Variants in TOM1L1 observed in about 807,000 individuals in gnomAD.
The protein encoded by TOM1L1 is TOM1-like protein 1.
A neutral mutation model predicts 63.4 loss-of-function variants in TOM1L1; 64 were observed. The observed-to-expected ratio is 1.01, with a 90% CI of 0.83 to 1.24. The LOEUF is 1.24. Among genes scored for constraint, TOM1L1 ranks in the 50% most tolerant of loss-of-function variants. The pLI is 0.00. For missense variants in TOM1L1, 536 were observed against 567.0 expected, an observed-to-expected ratio of 0.95 and a Z score of 0.55; for synonymous variants, 166 against 194.4, an observed-to-expected ratio of 0.85 and a Z score of 1.22.
intron 7 of TOM1L1, among the ~76,000 whole-genome samples, chr17:54,922,745 C>T (rs538986614): frequency 6.6e-6 from 1 of 152,166 alleles, no homozygotes; most frequent in Non-Finnish European, 1.5e-5. Flanking sequence ...AGAAATTGAT[C>T]TTTCTGTCTT....
At chr17:54,929,318 C>T (rs759067176) in intron 7 of TOM1L1, among the ~76,000 whole-genome samples, 16 of 151,560 alleles carry the variant, frequency 1.1e-4, no homozygotes, top group Non-Finnish European at 2.4e-4. Flanking sequence ...TTTCAGACAC[C>T]CAGCCTGAAG....
chr17:54,960,284 G>T (rs1443630207), intron 14 of TOM1L1, among the ~76,000 whole-genome samples: 1 of 152,176 alleles, frequency 6.6e-6, no homozygotes, highest in African/African-American at 2.4e-5. Flanking sequence ...AGAATCACTT[G>T]AACCTGGGAG....
At chr17:54,905,266 T>C (rs1306928481) in intron 2 of TOM1L1, among the ~76,000 whole-genome samples, 1 of 152,248 alleles carries the variant, frequency 6.6e-6, no homozygotes, top group Admixed American at 6.5e-5. Context: ...GAAAATATTT[T>C]ATTTGATTCT....
At chr17:54,953,944 T>C (rs1194433605) in intron 14 of TOM1L1, 5 of 152,194 alleles carry the variant, frequency 3.3e-5, no homozygotes, top group Non-Finnish European at 5.9e-5. Flanking sequence ...TTAGGAATGC[T>C]GATGGATTTT....
At chr17:54,928,507 G>T (rs559365881) in intron 7 of TOM1L1, among the ~76,000 whole-genome samples, 1 of 152,156 alleles carries the variant, frequency 6.6e-6, no homozygotes, top group East Asian at 1.9e-4. Flanking sequence ...TACACCAGGG[G>T]TATATAAAGG....
At chr17:54,939,152 T>A (rs933252843) in intron 11 of TOM1L1, 132 bp downstream of exon 11, 14 of 528,316 alleles carry the variant, frequency 2.6e-5, no homozygotes, top group Admixed American at 1.1e-4. Flanking sequence ...GGCACATGGA[T>A]CACTTGAGCC....
chr17:54,949,715 A>T, intron 13 of TOM1L1, 92 bp downstream of exon 13: 1 of 1,049,182 alleles, frequency 9.5e-7, no homozygotes, highest in Non-Finnish European at 1.5e-6. Flanking sequence ...AAATAGGAGA[A>T]ATTAGAGATG....
At chr17:54,910,142 T>G (rs1047741809) in intron 3 of TOM1L1, among the ~76,000 whole-genome samples, 2 of 152,194 alleles carry the variant, frequency 1.3e-5, no homozygotes, top group Non-Finnish European at 2.9e-5. Flanking sequence ...CATAAAATCT[T>G]GTGGCACCAA....
At chr17:54,921,096 G>A (rs1212640927) in intron 7 of TOM1L1, among the ~76,000 whole-genome samples, 1 of 152,078 alleles carries the variant, frequency 6.6e-6, no homozygotes, top group Non-Finnish European at 1.5e-5. Flanking sequence ...TTTGCACCCC[G>A]GGCTTTGTCC....
rs1339521564 is a variant in TOM1L1, at chr17:54,900,888, G to A, written c.23G>A (p.Arg8Gln). 2 of 1,613,726 alleles carry A rather than the reference G, an allele frequency of 1.2e-6. No homozygotes were observed. Among genetic ancestry groups the A allele is most frequent in the South Asian group, 2.2e-5 (2 of 91,068 alleles). ...ACCATGGCGTTTGGCAAGAGTCACC[G>A]GGATCCCTACGCGACCTCCGTGGGC... is the stretch of plus-strand genomic sequence containing the variant. MAFGKSHRDPYATSVGHL... is the reference protein window; with the variant it reads MAFGKSHQDPYATSVGHL... The change falls in exon 1 of 16, where the codon CGG (arginine) becomes CAG (glutamine). Residue 8 changes from arginine to glutamine, a missense_variant. Coordinates refer to ENST00000575882, the MANE Select transcript of TOM1L1 (RefSeq NM_005486.3).
At chr17:54,931,919 GCTTT>G (rs766097373) in intron 8 of TOM1L1, among the ~76,000 whole-genome samples, 26 of 150,836 alleles carry the variant, frequency 1.7e-4, no homozygotes, top group East Asian at 9.8e-4. Context: ...AACCATGCTT[GCTTT>G]CTTTCTTTCT....
intron 3 of TOM1L1, among the ~76,000 whole-genome samples, chr17:54,910,410 T>G (rs1022885412): frequency 6.6e-6 from 1 of 152,166 alleles, no homozygotes; most frequent in African/African-American, 2.4e-5. Flanking sequence ...GAGTCGAGAT[T>G]GCGCCACTGC....
intron 7 of TOM1L1, among the ~76,000 whole-genome samples, chr17:54,929,856 A>G (rs906481674): frequency 6.6e-6 from 1 of 151,176 alleles, no homozygotes; most frequent in Non-Finnish European, 1.5e-5. Context: ...TATTATTCTT[A>G]TGACACCTAT....
intron 7 of TOM1L1, among the ~76,000 whole-genome samples, chr17:54,921,670 G>T (rs937511127): frequency 1.3e-5 from 2 of 152,144 alleles, no homozygotes; most frequent in Non-Finnish European, 2.9e-5. Context: ...CCCGGAGGTT[G>T]CAGTGAGCAG....
chr17:54,921,026 T>A (rs1175864338), intron 7 of TOM1L1, among the ~76,000 whole-genome samples: 1 of 152,142 alleles, frequency 6.6e-6, no homozygotes, highest in East Asian at 1.9e-4. Flanking sequence ...TCATAGGGCG[T>A]AGTCATGCAG....
At chr17:54,915,541 A>G (rs184103248) in intron 6 of TOM1L1, among the ~76,000 whole-genome samples, 271 of 152,242 alleles carry the variant, frequency 1.8e-3, no homozygotes, top group African/African-American at 5.7e-3. Flanking sequence ...GTTTATTACA[A>G]GAGATCTCAA....
At chr17:54,959,245 T>C (rs554904955) in intron 14 of TOM1L1, 1 of 152,296 alleles carries the variant, frequency 6.6e-6, no homozygotes, top group African/African-American at 2.4e-5. Flanking sequence ...CAGCCATGTT[T>C]TGCTATACTG....
At chr17:54,960,207 A>G (rs1238219834) in intron 14 of TOM1L1, among the ~76,000 whole-genome samples, 1 of 152,072 alleles carries the variant, frequency 6.6e-6, no homozygotes, top group Non-Finnish European at 1.5e-5. Context: ...TACTTAAAAT[A>G]CAAAAAAATT....
intron 11 of TOM1L1, among the ~76,000 whole-genome samples, chr17:54,941,270 G>A (rs564932164): frequency 1.3e-5 from 2 of 152,270 alleles, no homozygotes; most frequent in African/African-American, 4.8e-5. Flanking sequence ...AAATACTTAT[G>A]TACCCAATCA....
Sources: gnomAD v4.1 joint callset for allele counts (sites outside exome capture counted in the v4.1 genomes callset) on GRCh38, gnomAD v4.1.1 for gene constraint, MANE v1.5 for transcripts, NCBI Gene and HGNC (gene_info 2026-07-23, HGNC 2026-07-21) for gene names.